The following TRIP10 variants were observed in gnomAD, a reference collection of about 807,000 sequenced individuals.
TRIP10 encodes the protein cdc42-interacting protein 4.
TRIP10 carries 54 observed loss-of-function variants against 80.9 expected under a neutral mutation model. The ratio of observed to expected loss-of-function variants is 0.67; its 90% CI spans 0.54 to 0.84. The LOEUF (loss-of-function observed/expected upper bound fraction) is 0.84. Ranked by LOEUF, TRIP10 falls within the 40% of genes least tolerant of loss-of-function variation. The pLI is 0.00. For synonymous variants in TRIP10, 321 were observed against 307.2 expected, an observed-to-expected ratio of 1.04 and a Z score of -0.47; for missense variants, 773 against 815.3, an observed-to-expected ratio of 0.95 and a Z score of 0.63.
Position 6,741,265 on chromosome 19 carries a change from G to A in TRIP10, c.181G>A (p.Asp61Asn), listed in dbSNP as rs1247866288. ...KKYLPKRPAK[D>N]DPESKFSQQQ... The stretch of plus-strand genomic sequence containing the variant: ...ATATCTGCCCAAGAGACCTGCCAAG[G>A]ATGATCCTGAGTCCAAGTAAGGTTG... Residue 61 changes from aspartate to asparagine, a missense_variant, in exon 3 of 15, where the codon GAT becomes AAT. By Grantham distance (23) the Asp-to-Asn change is conservative. Coordinates refer to ENST00000313244, the MANE Select transcript of TRIP10 (RefSeq NM_001288962.2). 1.2e-6 allele frequency: 2 copies of A among 1,610,652 alleles called. No homozygotes were observed. The highest frequency in any genetic ancestry group is 2.7e-5 in the African/African-American group (2 of 75,028).
At chr19:6,750,090 G>GA (rs1568256393) in intron 12 of TRIP10, 24 bp downstream of exon 12, 1 of 1,608,676 alleles carries the variant, frequency 6.2e-7, no homozygotes, top group East Asian at 2.2e-5. Context: ...CTGGGGAGGG[G>GA]CGGGAGCCAG....
At chr19:6,740,094 G>C (rs750422906) in intron 1 of TRIP10, among the ~76,000 whole-genome samples, 1 of 152,148 alleles carries the variant, frequency 6.6e-6, no homozygotes, top group Non-Finnish European at 1.5e-5. Context: ...GCCCTGGCCG[G>C]GCAGGCGGCT....
chr19:6,751,518 A>G lies in TRIP10; in HGVS notation c.*307A>G, dbSNP rs965360068. The G allele has an allele frequency of 2.2e-5, 12 of 545,470 alleles. No homozygotes were observed. The highest frequency in any genetic ancestry group is 3.4e-5 in the Non-Finnish European group (12 of 351,016). The allele number at this position is 545,470 out of a possible 1,614,324, so 33.8% of individuals were successfully genotyped here. ...AAAAGAAATTATATAAAGTTCCTAG[A>G]GTCGGTGTCTTATTAGAGGATTTAA... is the stretch of plus-strand genomic sequence containing the variant. On this transcript the variant is annotated 3_prime_UTR_variant, in exon 15 of 15. Coordinates refer to ENST00000313244, the MANE Select transcript of TRIP10 (RefSeq NM_001288962.2).
In TRIP10 at chr19:6,743,488, A is replaced by G. The variant is rs767722879; in HGVS notation, c.409-6A>G. On this transcript the variant is annotated splice_polypyrimidine_tract_variant and splice_region_variant and intron_variant, in intron 5 of 14. Transcript: ENST00000313244. ...CTCCCTCACTCCGGTTCTGTCCCCT[A>G]CACAGAGTAAGCGTAAATTTGAGCG... The G allele has an allele frequency of 1.2e-6, 2 of 1,613,506 alleles. No homozygotes were observed. Among genetic ancestry groups the G allele is most frequent in the Non-Finnish European group, 1.7e-6 (2 of 1,179,684 alleles).
chr19:6,747,304 G>A (rs1356112361), intron 11 of TRIP10, among the ~76,000 whole-genome samples: 1 of 151,746 alleles, frequency 6.6e-6, no homozygotes, highest in Non-Finnish European at 1.5e-5. Context: ...CAGCCTGGGT[G>A]TCAGAGTGAG....
chr19:6,750,464 A>C, intron 13 of TRIP10, 33 bp downstream of exon 13: 1 of 1,613,896 alleles, frequency 6.2e-7, no homozygotes, highest in Non-Finnish European at 8.5e-7. Flanking sequence ...GTCTGTTCCC[A>C]GGGTCCCAGG....
intron 3 of TRIP10, 51 bp from the exon 4 acceptor site, chr19:6,742,916 C>T (rs879879458): frequency 6.2e-7 from 1 of 1,601,486 alleles, no homozygotes; most frequent in Non-Finnish European, 8.5e-7. Context: ...CATCAGCCTG[C>T]TCGGGAGGAG....
intron 3 of TRIP10, 91 bp downstream of exon 3, chr19:6,741,372 G>T: frequency 7.0e-7 from 1 of 1,429,510 alleles, no homozygotes; most frequent in East Asian, 2.5e-5. Context: ...ACACCCCACC[G>T]CTCCTCTCAC....
At chr19:6,748,919 T>C (rs1290566204) in intron 11 of TRIP10, 1 of 152,144 alleles carries the variant, frequency 6.6e-6, no homozygotes, top group Non-Finnish European at 1.5e-5. Flanking sequence ...CTGATGATAA[T>C]GATAACAGTA....
chr19:6,750,106 C>G (rs1200191449), intron 12 of TRIP10, 40 bp downstream of exon 12: 4 of 870,596 alleles, frequency 4.6e-6, no homozygotes, highest in Non-Finnish European at 6.4e-6. Flanking sequence ...GCCAGCGGGC[C>G]TGGCTGAGTC....
At position 6,750,450 on chromosome 19, in the gene TRIP10, G is replaced by A; in HGVS notation, c.1535+19G>A. The A allele has an allele frequency of 6.2e-7, 1 of 1,614,030 alleles. No individual in the cohort carries two copies. Among genetic ancestry groups the A allele is most frequent in the Non-Finnish European group, 8.5e-7 (1 of 1,179,938 alleles). On this transcript the variant is annotated intron_variant, in intron 13 of 14. Coordinates refer to ENST00000313244, the MANE Select transcript of TRIP10 (RefSeq NM_001288962.2). ...AGGAGAGGTGAGGGGTGACGTCAGA[G>A]TGGGTCTGTTCCCAGGGTCCCAGGA...
chr19:6,743,629 G>A lies in TRIP10; in HGVS notation c.513+31G>A, dbSNP rs201336569. The A allele has an allele frequency of 6.8e-5, 109 of 1,603,876 alleles. No individual in the cohort carries two copies. The African/African-American group carries it at 1.1e-3, about 16-fold the overall frequency. On this transcript the variant is annotated intron_variant, in intron 6 of 14. Coordinates refer to ENST00000313244, the MANE Select transcript of TRIP10 (RefSeq NM_001288962.2). ...TGTGGCGGGGGCGGGGGGGGGGTGCGGGGTCTGGGACAAGCTTGGGGAGTC... is the reference window on the plus strand; with the variant it reads ...TGTGGCGGGGGCGGGGGGGGGGTGCAGGGTCTGGGACAAGCTTGGGGAGTC...
At position 6,744,772 on chromosome 19, in the gene TRIP10, C is replaced by T; in HGVS notation, c.790-28C>T. On this transcript the variant is annotated intron_variant, in intron 8 of 14. Coordinates refer to ENST00000313244, the MANE Select transcript of TRIP10 (RefSeq NM_001288962.2). The surrounding 1 kb of genome is among the most constrained non-coding windows in gnomAD (Gnocchi z 4.9). ...AGGTACCCATAGGCTAGGCACTCGA[C>T]TGCTCATCCACTGTCCCCCTCCCCC... 1 of 1,603,198 alleles carries T rather than the reference C, an allele frequency of 6.2e-7. No individual in the cohort carries two copies. Among genetic ancestry groups the T allele is most frequent in the Non-Finnish European group, 8.5e-7 (1 of 1,173,782 alleles).
chr19:6,750,715 G>A lies in TRIP10; in HGVS notation c.1657+82G>A. ...TTCAGTTTAAATTCGCCTAAAGCAG[G>A]GCTGGGCGGGTGGCTCAGGCTTGTA... On this transcript the variant is annotated intron_variant, in intron 14 of 14. Transcript: ENST00000313244. 5 of 1,565,740 alleles carry A rather than the reference G, an allele frequency of 3.2e-6. No individual in the cohort carries two copies. In the East Asian group the frequency reaches 1.1e-4, roughly 35 times the overall value.
Position 6,744,740 on chromosome 19 carries a change from C to A in TRIP10, c.789+40C>A. ...TGGGTCCACTGGGCTACGGGAAGGG[C>A]AGAGGGAGGTACCCATAGGCTAGGC... On this transcript the variant is annotated intron_variant, in intron 8 of 14. Coordinates refer to ENST00000313244, the MANE Select transcript of TRIP10 (RefSeq NM_001288962.2). The surrounding 1 kb of genome is among the most constrained non-coding windows in gnomAD (Gnocchi z 4.9). The A allele has an allele frequency of 6.3e-7, 1 of 1,592,228 alleles. No individual in the cohort carries two copies.
In TRIP10 at chr19:6,745,214, G is replaced by GCGTTTGTCTGCTGCTTCT; in HGVS notation, c.984+223_984+240dup. The stretch of plus-strand genomic sequence containing the variant: ...GGGTGGGGAGGTGGGGAGGTCCGTG[G>GCGTTTGTCTGCTGCTTCT]CGTTTGTCTGCTGCTTCTCGGGATG... On this transcript the variant is annotated intron_variant, in intron 9 of 14. Coordinates refer to ENST00000313244, the MANE Select transcript of TRIP10 (RefSeq NM_001288962.2). This position sits in a 1 kb window ranked among gnomAD's most constrained non-coding sequence, Gnocchi z 7.2. 1 of 611,520 alleles carries GCGTTTGTCTGCTGCTTCT rather than the reference G, an allele frequency of 1.6e-6. No individual in the cohort carries two copies. The highest frequency in any genetic ancestry group is 3.0e-5 in the East Asian group (1 of 32,794). The allele number at this position is 611,520 out of a possible 1,614,324, so 37.9% of individuals were successfully genotyped here. A position where few individuals can be genotyped will look rare whatever the true frequency, so the allele number is the denominator to read the frequency against.
Position 6,740,989 on chromosome 19 carries a change from C to G in TRIP10, c.25-21C>G, listed in dbSNP as rs899869613. 6 of 1,605,914 alleles carry G rather than the reference C, an allele frequency of 3.7e-6. No homozygotes were observed. The Admixed American group carries it at 6.7e-5, about 18-fold the overall frequency. On this transcript the variant is annotated intron_variant, in intron 1 of 14. Coordinates refer to ENST00000313244, the MANE Select transcript of TRIP10 (RefSeq NM_001288962.2). Reference sequence around the variant, plus strand: ...TGACCCCGGCCCCTCTCCCCTCCTCCCCCACCATGTCCCATGTCAGGATCA... The same window carrying G: ...TGACCCCGGCCCCTCTCCCCTCCTCGCCCACCATGTCCCATGTCAGGATCA...
In TRIP10 at chr19:6,746,101, C is replaced by T. The variant is rs778416697; in HGVS notation, c.1057C>T (p.Arg353Cys). The T allele has an allele frequency of 2.0e-4, 303 of 1,545,042 alleles. No homozygotes were observed. The highest frequency in any genetic ancestry group is 2.4e-4 in the Non-Finnish European group (279 of 1,144,820). Residue 353 changes from arginine to cysteine, a missense_variant, in exon 10 of 15, where the codon CGC becomes TGC. Arg to Cys is a radical substitution (Grantham distance 180). Transcript: ENST00000313244. The surrounding 1 kb of genome is among the most constrained non-coding windows in gnomAD (Gnocchi z 6.2). ...SALPNGPPSP[R>C]SGRDPLAILS... ...ATTGCCTAACGGACCCCCGTCCCCC[C>T]GCTCCGGCCGTGACCCCTTGGCCAT...
Position 6,744,829 on chromosome 19 carries a change from G to T in TRIP10, c.819G>T (p.Lys273Asn). 3 of 1,614,180 alleles carry T rather than the reference G, an allele frequency of 1.9e-6. No homozygotes were observed. The highest frequency in any genetic ancestry group is 2.5e-6 in the Non-Finnish European group (3 of 1,180,016). ...NDSHVLIELH[K>N]SGFARPGDVE... ...CCCACGTCCTTATAGAGCTGCACAAGTCAGGTTTTGCCCGCCCGGGCGACG... is the reference window on the plus strand; with the variant it reads ...CCCACGTCCTTATAGAGCTGCACAATTCAGGTTTTGCCCGCCCGGGCGACG... Residue 273 changes from lysine to asparagine, a missense_variant, in exon 9 of 15, where the codon AAG (lysine) becomes AAT (asparagine). Lys to Asn is a moderately conservative substitution (Grantham distance 94). Coordinates refer to ENST00000313244, the MANE Select transcript of TRIP10 (RefSeq NM_001288962.2). The surrounding 1 kb of genome is among the most constrained non-coding windows in gnomAD (Gnocchi z 4.9).
Sources: gnomAD v4.1 joint callset for allele counts (sites outside exome capture counted in the v4.1 genomes callset) on GRCh38, gnomAD v4.1.1 for gene constraint, Gnocchi (gnomAD v3.1) non-coding constraint, MANE v1.5 for transcripts, NCBI Gene and HGNC (gene_info 2026-07-23, HGNC 2026-07-21) for gene names.